MAST4: variants seen among roughly 807,000 people sequenced by gnomAD.
The protein encoded by MAST4 is microtubule associated serine/threonine kinase family member 4, also known as microtubule-associated serine/threonine-protein kinase 4.
In MAST4, 89 loss-of-function variants were observed where a neutral mutation model predicts 162.7. The observed-to-expected ratio is 0.55, with a 90% CI of 0.46 to 0.65. MAST4 has a LOEUF of 0.65. Ranked by LOEUF, MAST4 falls within the 30% of genes least tolerant of loss-of-function variation. The pLI is 0.00. For missense variants in MAST4, 3,153 were observed against 3,374.0 expected (o/e 0.93, Z 1.62); for synonymous variants, 1,479 against 1,361.1 (o/e 1.09, Z -1.91).
chr5:66,645,438 G>A (rs540001186), intron 1 of MAST4, among the ~76,000 whole-genome samples: 1 of 152,144 alleles, frequency 6.6e-6, no homozygotes, highest in Non-Finnish European at 1.5e-5. Context: ...CGATGCCTAG[G>A]CCAATGTTAT....
chr5:66,870,562 A>C (rs1760853761), intron 3 of MAST4, among the ~76,000 whole-genome samples: 1 of 152,098 alleles, frequency 6.6e-6, no homozygotes, highest in South Asian at 2.1e-4. Flanking sequence ...ACACTTGCAC[A>C]TACAAGTTTG....
intron 1 of MAST4, among the ~76,000 whole-genome samples, chr5:66,711,050 T>G (rs1453134118): frequency 6.6e-6 from 1 of 152,196 alleles, no homozygotes; most frequent in Non-Finnish European, 1.5e-5. Context: ...CACTGTGGAT[T>G]AGTTTCGCTA....
At chr5:66,669,332 A>T (rs1747465558) in intron 1 of MAST4, among the ~76,000 whole-genome samples, 1 of 152,134 alleles carries the variant, frequency 6.6e-6, no homozygotes, top group Non-Finnish European at 1.5e-5. Flanking sequence ...GGTGTACCCT[A>T]TGCGTATTTA....
chr5:66,814,890 A>G (rs1756646641), intron 3 of MAST4, among the ~76,000 whole-genome samples: 1 of 152,178 alleles, frequency 6.6e-6, no homozygotes, highest in Non-Finnish European at 1.5e-5. Context: ...TCACTGCTGC[A>G]AGTAAGAGAA....
At chr5:67,146,510 C>T (rs1176810997) in intron 23 of MAST4, among the ~76,000 whole-genome samples, 1 of 152,160 alleles carries the variant, frequency 6.6e-6, no homozygotes, top group African/African-American at 2.4e-5. Flanking sequence ...CATTAAGCTA[C>T]GTTCAATATG....
At chr5:66,611,656 AC>A (rs1386783595) in intron 1 of MAST4, among the ~76,000 whole-genome samples, 3 of 152,246 alleles carry the variant, frequency 2.0e-5, no homozygotes, top group African/African-American at 7.2e-5. Flanking sequence ...AGACAGTCTT[AC>A]CAGTTGATTT....
At chr5:67,135,222 C>A (rs937276708) in intron 18 of MAST4, among the ~76,000 whole-genome samples, 3 of 152,108 alleles carry the variant, frequency 2.0e-5, no homozygotes, top group Non-Finnish European at 2.9e-5. Context: ...GTTGTTATGG[C>A]GTAATGTTAT....
intron 4 of MAST4, among the ~76,000 whole-genome samples, chr5:66,983,546 GT>G (rs1468814892): frequency 1.7e-4 from 26 of 152,270 alleles, no homozygotes; most frequent in African/African-American, 6.0e-4. Flanking sequence ...CTAAGTGCCA[GT>G]TTCCTCATCT....
intron 5 of MAST4, among the ~76,000 whole-genome samples, chr5:67,064,625 T>C (rs532672495): frequency 9.8e-5 from 15 of 152,356 alleles, no homozygotes; most frequent in Non-Finnish European, 1.6e-4. Flanking sequence ...ATTTCAACCA[T>C]TGCTAAGCTG....
intron 3 of MAST4, among the ~76,000 whole-genome samples, chr5:66,834,503 C>CG (rs752201510): frequency 2.0e-5 from 3 of 152,254 alleles, no homozygotes; most frequent in East Asian, 1.9e-4. Context: ...GGCCAGACTC[C>CG]GGGGCCCAGC....
chr5:66,739,944 T>C (rs1393484792), intron 1 of MAST4, among the ~76,000 whole-genome samples: 2 of 152,030 alleles, frequency 1.3e-5, no homozygotes, highest in East Asian at 1.9e-4. Flanking sequence ...TTGTGAATGA[T>C]TTTTAGGTTT....
chr5:66,785,467 A>G (rs1232463935), intron 2 of MAST4, among the ~76,000 whole-genome samples: 1 of 152,188 alleles, frequency 6.6e-6, no homozygotes, highest in Non-Finnish European at 1.5e-5. Context: ...CTTTCGAGTC[A>G]GAATCTTGAT....
intron 4 of MAST4, among the ~76,000 whole-genome samples, chr5:66,936,085 T>G (rs890548743): frequency 3.9e-5 from 6 of 152,184 alleles, no homozygotes; most frequent in African/African-American, 1.4e-4. Context: ...TGACAGAGGA[T>G]CCAAACTCAG....
chr5:66,973,698 A>G (rs761340686), intron 4 of MAST4, among the ~76,000 whole-genome samples: 1 of 152,320 alleles, frequency 6.6e-6, no homozygotes, highest in East Asian at 1.9e-4. Context: ...TGCTCAAATC[A>G]TTTATTACAT....
At chr5:66,691,691 CCTCCCT>C (rs747895002) in intron 1 of MAST4, among the ~76,000 whole-genome samples, 3 of 152,072 alleles carry the variant, frequency 2.0e-5, no homozygotes, top group Non-Finnish European at 4.4e-5. Context: ...AGGCAAGGGA[CCTCCCT>C]GAGATAGCTT....
intron 1 of MAST4, among the ~76,000 whole-genome samples, chr5:66,611,089 C>A (rs1018191895): frequency 2.0e-5 from 3 of 152,200 alleles, no homozygotes; most frequent in Admixed American, 2.0e-4. Context: ...GGCCCTTTGT[C>A]CATAACATTT....
At chr5:66,753,526 G>A (rs6860031) in intron 1 of MAST4, among the ~76,000 whole-genome samples, 7 of 145,030 alleles carry the variant, frequency 4.8e-5, no homozygotes, top group East Asian at 1.9e-4. Flanking sequence ...CAAACACCTC[G>A]ACGCAAATAA....
chr5:66,883,420 C>CTT (rs1484230630), intron 3 of MAST4, among the ~76,000 whole-genome samples: 4 of 125,514 alleles, frequency 3.2e-5, no homozygotes, highest in African/African-American at 5.9e-5. Context: ...TGTTCTGTCA[C>CTT]TGTTTTTTTT....
intron 1 of MAST4, among the ~76,000 whole-genome samples, chr5:66,645,692 ATTTG>A (rs1357148110): frequency 2.6e-5 from 4 of 152,196 alleles, no homozygotes; most frequent in South Asian, 2.1e-4. Flanking sequence ...CACACATAGT[ATTTG>A]TTTAACAGCC....
Sources: gnomAD v4.1 joint callset for allele counts (sites outside exome capture counted in the v4.1 genomes callset) on GRCh38, gnomAD v4.1.1 for gene constraint, MANE v1.5 for transcripts, NCBI Gene and HGNC (gene_info 2026-07-23, HGNC 2026-07-21) for gene names.